Variants in XKRX observed in about 807,000 individuals in gnomAD.
XKRX encodes XK-related protein 2.
XKRX carries 11 observed loss-of-function variants against 22.4 expected under a neutral mutation model. That is an observed-to-expected ratio of 0.49 (90% CI 0.31 to 0.81). The LOEUF (loss-of-function observed/expected upper bound fraction) is 0.81, where lower values mean the gene tolerates loss of function less well. Ranked by LOEUF, XKRX falls within the 40% of genes least tolerant of loss-of-function variation. XKRX has a pLI of 0.05. For synonymous variants in XKRX, 114 were observed against 132.2 expected (o/e 0.86, Z 0.94); for missense variants, 320 against 336.5 (o/e 0.95, Z 0.38).
chrX:100,951,636 G>A, the XKRX span, among the ~76,000 whole-genome samples: 1 of 110,894 alleles, frequency 9.0e-6, no homozygotes, highest in African/African-American at 3.3e-5. Flanking sequence ...GAAACAAACA[G>A]GTGATTCTTT....
the XKRX span, among the ~76,000 whole-genome samples, chrX:100,940,211 T>C: frequency 2.7e-5 from 3 of 111,834 alleles, no homozygotes; most frequent in Non-Finnish European, 5.6e-5. Flanking sequence ...GTCCTTATGA[T>C]TTAGGAGCTA....
the XKRX span, among the ~76,000 whole-genome samples, chrX:100,948,823 C>T: frequency 8.9e-6 from 1 of 112,344 alleles, no homozygotes; most frequent in Non-Finnish European, 1.9e-5. Flanking sequence ...ACCCTATCTC[C>T]CCAGTAGCAA....
chrX:100,939,998 C>G, the XKRX span, among the ~76,000 whole-genome samples: 1 of 112,022 alleles, frequency 8.9e-6, no homozygotes, highest in Non-Finnish European at 1.9e-5. Flanking sequence ...AAGCCTAGCA[C>G]TCAGTTTTAA....
chrX:100,950,493 A>G, the XKRX span, among the ~76,000 whole-genome samples: 1 of 112,221 alleles, frequency 8.9e-6, no homozygotes, highest in Non-Finnish European at 1.9e-5. Context: ...ATCAAAATCA[A>G]AAAGGATATA....
chrX:100,908,666 C>T (rs1326085744), downstream of XKRX, among the ~76,000 whole-genome samples: 1 of 111,600 alleles, frequency 9.0e-6, no homozygotes, highest in Non-Finnish European at 1.9e-5. Flanking sequence ...CTTCAGAGAA[C>T]AAGGGTTCCC....
chrX:100,904,063 G>A, the XKRX span, among the ~76,000 whole-genome samples: 3 of 111,800 alleles, frequency 2.7e-5, no homozygotes, highest in African/African-American at 6.5e-5. Flanking sequence ...AGAGGTTGAC[G>A]CTACCAAATT....
the XKRX span, among the ~76,000 whole-genome samples, chrX:100,905,458 T>C: frequency 8.9e-6 from 1 of 112,172 alleles, no homozygotes; most frequent in Middle Eastern, 4.2e-3. Context: ...ATATTTACTT[T>C]TTAAAGCAAT....
chrX:100,924,644 A>G (rs1347287191), intron 1 of XKRX, among the ~76,000 whole-genome samples: 1 of 112,298 alleles, frequency 8.9e-6, no homozygotes, highest in Non-Finnish European at 1.9e-5. Context: ...TGTAGTGGAC[A>G]TTAACACGTC....
the XKRX span, among the ~76,000 whole-genome samples, chrX:100,948,889 T>C: frequency 8.9e-6 from 1 of 112,462 alleles, no homozygotes; most frequent in South Asian, 3.6e-4. Context: ...GTTTCCCCAC[T>C]GGGGTAGTAT....
chrX:100,917,674 A>AAAGGAAAGAAAGAAAGAAAG (rs34196882), intron 2 of XKRX, among the ~76,000 whole-genome samples: 1 of 25,413 alleles, frequency 3.9e-5, no homozygotes, highest in Non-Finnish European at 6.9e-5. Context: ...AGAAAGAAAG[A>AAAGGAAAGAAAGAAAGAAAG]AAAGAAAGAA....
the XKRX span, chrX:100,957,448 G>A: frequency 4.0e-5 from 47 of 1,189,238 alleles, no homozygotes; most frequent in Non-Finnish European, 5.1e-5. Context: ...GAGGCCTCTC[G>A]CTCCCACCTG....
chrX:100,919,692 A>G (rs1479742234), intron 2 of XKRX, among the ~76,000 whole-genome samples: 2 of 112,184 alleles, frequency 1.8e-5, no homozygotes, highest in African/African-American at 6.5e-5. Flanking sequence ...ATTATTTTAA[A>G]AGTCAATTAT....
the XKRX span, among the ~76,000 whole-genome samples, chrX:100,902,898 C>T: frequency 3.7e-5 from 4 of 108,862 alleles, no homozygotes; most frequent in South Asian, 4.1e-4. Flanking sequence ...TACAGGTGCC[C>T]GCCACCATGC....
the XKRX span, among the ~76,000 whole-genome samples, chrX:100,898,186 T>C: frequency 8.9e-6 from 1 of 111,760 alleles, no homozygotes; most frequent in Non-Finnish European, 1.9e-5. Flanking sequence ...AGCTGCTACA[T>C]TGTAATAACT....
At position 100,914,736 on chromosome X, in the gene XKRX, G is replaced by C; in HGVS notation, c.952C>G (p.Leu318Val). Reference protein sequence around the residue: ...TLVVLISVTILYAGINFSCWS... With the variant: ...TLVVLISVTIVYAGINFSCWS... ...CAAGAGAAGTTGATGCCAGCATAGA[G>C]GATGGTGACTGAAATCAGGACCACC... Residue 318 changes from leucine (L) to valine (V), a missense_variant, in exon 3 of 3, where the codon CTC becomes GTC. Physicochemically the swap from Leu to Val is conservative, Grantham distance 32. Transcript: ENST00000372956. 1 of 1,211,892 alleles carries C rather than the reference G, an allele frequency of 8.3e-7. No individual in the cohort carries two copies. Among genetic ancestry groups the C allele is most frequent in the Non-Finnish European group, 1.1e-6 (1 of 895,583 alleles).
chrX:100,942,004 C>T, the XKRX span, among the ~76,000 whole-genome samples: 3 of 110,270 alleles, frequency 2.7e-5, no homozygotes, highest in African/African-American at 9.9e-5. Flanking sequence ...CACACCACCG[C>T]ACCCGGCTAA....
the XKRX span, among the ~76,000 whole-genome samples, chrX:100,906,698 T>C: frequency 9.1e-3 from 961 of 105,561 alleles, 9 homozygotes; most frequent in African/African-American, 0.031. Flanking sequence ...ACATTTATTC[T>C]CTTAACAGTT....
chrX:100,945,144 C>T, the XKRX span, among the ~76,000 whole-genome samples: 14 of 107,276 alleles, frequency 1.3e-4, no homozygotes, highest in Admixed American at 6.1e-4. Flanking sequence ...GTGGTGTGAA[C>T]GTGGCTCACT....
intron 2 of XKRX, among the ~76,000 whole-genome samples, chrX:100,917,718 G>GAAAGAAAGAAAGAAAGAAAGAAAGAA (rs1556194341): frequency 2.3e-5 from 2 of 85,764 alleles, no homozygotes; most frequent in African/African-American, 7.4e-5. Context: ...AAGAAAGAAA[G>GAAAGAAAGAAAGAAAGAAAGAAAGAA]AAAGAAATCC....
Sources: allele counts gnomAD v4.1 joint callset (sites outside exome capture counted in the v4.1 genomes callset), GRCh38; gene constraint gnomAD v4.1.1; transcripts MANE v1.5; gene names NCBI Gene and HGNC (gene_info 2026-07-23, HGNC 2026-07-21).